PTGES2: variants seen among roughly 807,000 people sequenced by gnomAD.
The protein encoded by PTGES2 is GATE-binding factor 1.
Under a neutral mutation model 44.5 loss-of-function variants are expected in PTGES2, and 35 were observed. The ratio of observed to expected loss-of-function variants is 0.79; its 90% CI spans 0.60 to 1.04. The LOEUF is 1.04. Ranked by LOEUF, PTGES2 falls within the 50% of genes least tolerant of loss-of-function variation. PTGES2 has a pLI of 0.00. For missense variants in PTGES2, 517 were observed against 521.4 expected (o/e 0.99, Z 0.08); for synonymous variants, 221 against 227.5 (o/e 0.97, Z 0.26).
At chr9:128,122,563 G>T in intron 5 of PTGES2, 84 bp from the exon 6 acceptor site, 2 of 1,231,230 alleles carry the variant, frequency 1.6e-6, no homozygotes, top group Non-Finnish European at 1.2e-6. Flanking sequence ...GGAGAGGGGG[G>T]AGGTGTGGAA....
chr9:128,128,146 C>G (rs1834720550), upstream of PTGES2: 5 of 333,702 alleles, frequency 1.5e-5, no homozygotes, highest in East Asian at 2.5e-4. Flanking sequence ...ACTGAAAGCC[C>G]CGGAAACGAC....
rs1280631597 is a variant in PTGES2 at position 128,125,225 on chromosome 9, G to A, written c.477+19C>T. 3.9e-6 allele frequency: 6 copies of A among 1,556,562 alleles called. No homozygotes were observed. The highest frequency in any genetic ancestry group is 5.2e-6 in the Non-Finnish European group (6 of 1,149,542). ...ACCCAGGAAAGGAGGAAGGATGCAG[G>A]GGGTTCCCTGGGGCTCACCGAGCTT... On this transcript the variant is annotated intron_variant, in intron 2 of 6. Coordinates refer to ENST00000338961, the MANE Select transcript of PTGES2 (RefSeq NM_025072.7).
At chr9:128,125,129 T>A in intron 2 of PTGES2, 115 bp downstream of exon 2, 2 of 1,000,312 alleles carry the variant, frequency 2.0e-6, no homozygotes, top group Non-Finnish European at 2.9e-6. Context: ...CCATAGTCCT[T>A]ACAGGCACAA....
At chr9:128,125,011 T>C (rs1834564018) in intron 2 of PTGES2, 3 of 757,258 alleles carry the variant, frequency 4.0e-6, no homozygotes, top group Non-Finnish European at 4.0e-6. Flanking sequence ...GAATCTATGT[T>C]GTTAAGCTGT....
In PTGES2 at chr9:128,121,208, C is replaced by T. The variant is rs1295806700; in HGVS notation, c.1071G>A (p.Thr357=). The change falls in exon 7 of 7, where the codon ACG becomes ACA. Residue 357 remains threonine (T), a synonymous_variant. Transcript: ENST00000338961. ...CCCGCAGGTACCAGGGCTGGATGTG[C>T]GTGTGCTGCATCAGGTCATCGAACG... is the stretch of plus-strand genomic sequence containing the variant. ...LDAFDDLMQH[T]HIQPWYLRVE... is the part of the protein sequence containing the mutation. 5 of 1,596,388 alleles carry T rather than the reference C, an allele frequency of 3.1e-6. No individual in the cohort carries two copies. Among genetic ancestry groups the T allele is most frequent in the South Asian group, 2.3e-5 (2 of 88,174 alleles).
chr9:128,123,187 A>G lies in PTGES2; in HGVS notation c.687-53T>C. On this transcript the variant is annotated intron_variant, in intron 4 of 6. Transcript: ENST00000338961. The surrounding 1 kb of genome is among the most constrained non-coding windows in gnomAD (Gnocchi z 4.4). The stretch of plus-strand genomic sequence containing the variant: ...CCAGGACCCGGGCTGTGTTGGGAGC[A>G]GGCTGCATTCTCTAGAACATACCCA... The G allele has an allele frequency of 6.4e-7, 1 of 1,562,286 alleles. No homozygotes were observed. The highest frequency in any genetic ancestry group is 1.4e-5 in the African/African-American group (1 of 73,952).
At position 128,127,669 on chromosome 9, in the gene PTGES2, C is replaced by T; in HGVS notation, c.49G>A (p.Ala17Thr). ...VVRALWPGGC[A>T]LAWRLGGRPQ... is the part of the protein sequence containing the mutation. The stretch of plus-strand genomic sequence containing the variant: ...CGGCCTCCCAGCCTCCAGGCCAAGG[C>T]GCACCCACCAGGCCACAGCGCCCGC... Residue 17 changes from alanine (A) to threonine (T), a missense_variant, in exon 1 of 7, where the codon GCC becomes ACC. By Grantham distance (58) the Ala-to-Thr change is moderately conservative. Coordinates refer to ENST00000338961, the MANE Select transcript of PTGES2 (RefSeq NM_025072.7). 1 of 1,299,928 alleles carries T rather than the reference C, an allele frequency of 7.7e-7. No homozygotes were observed. 80.5% of individuals were successfully genotyped at this position (1,299,928 alleles called of 1,614,324 possible).
Position 128,123,727 on chromosome 9 carries a change from C to T in PTGES2, c.661G>A (p.Val221Met). ...LMLNEKEAQQVYGGKEARTEE... is the reference protein window; with the variant it reads ...LMLNEKEAQQMYGGKEARTEE... ...GTCCTGGCCTCCTTCCCACCATACA[C>T]TTGCTGGGCCTCCTTCTCGTTGAGC... Residue 221 changes from valine (V) to methionine (M), a missense_variant, in exon 4 of 7, where the codon GTG becomes ATG. Coordinates refer to ENST00000338961, the MANE Select transcript of PTGES2 (RefSeq NM_025072.7). This position sits in a 1 kb window ranked among gnomAD's most constrained non-coding sequence, Gnocchi z 4.4. 1 of 1,613,992 alleles carries T rather than the reference C, an allele frequency of 6.2e-7. No individual in the cohort carries two copies. The highest frequency in any genetic ancestry group is 8.5e-7 in the Non-Finnish European group (1 of 1,179,926).
chr9:128,126,350 A>G (rs6478817), intron 1 of PTGES2, among the ~76,000 whole-genome samples: 144,087 of 152,184 alleles, frequency 0.95, 68,724 homozygotes, highest in Non-Finnish European at 1. Context: ...GCCACCACTT[A>G]GGGGGTCACC....
chr9:128,122,386 GC>G lies in PTGES2; in HGVS notation c.980del (p.Gly327AlafsTer17), dbSNP rs1305730346. Reference protein sequence around the residue: ...AVGKDRPFMGGQKPNLADLAV... With the variant: ...AVGKDRPFMGXQKPNLADLAV... ...CCAAATCAGCGAGATTCGGCTTCTG[GC>G]CCCCCATGAAGGGCCGGTCCTTGCC... On this transcript the variant is annotated frameshift_variant, in exon 6 of 7. Transcript: ENST00000338961. LOFTEE classifies it high-confidence loss of function. The G allele has an allele frequency of 1.1e-5, 18 of 1,613,910 alleles. No homozygotes were observed. The highest frequency in any genetic ancestry group is 1.4e-5 in the Non-Finnish European group (17 of 1,179,924).
At chr9:128,125,665 C>T (rs1440473977) in intron 1 of PTGES2, among the ~76,000 whole-genome samples, 2 of 152,152 alleles carry the variant, frequency 1.3e-5, no homozygotes, top group African/African-American at 4.8e-5. Context: ...CCCTTTGCTG[C>T]GAGGTTGTGT....
At position 128,127,519 on chromosome 9, in the gene PTGES2, C is replaced by G; in HGVS notation, c.199G>C (p.Gly67Arg). ...GTGTGGTACAGCCCCAGGGCTCCCCCCAGGGCCAGCGCCGCAGCTCCCAGC... is the reference window on the plus strand; with the variant it reads ...GTGTGGTACAGCCCCAGGGCTCCCCGCAGGGCCAGCGCCGCAGCTCCCAGC... ...RLLGAAALAL[G>R]GALGLYHTAR... The change falls in exon 1 of 7, where the codon GGG becomes CGG. Residue 67 changes from glycine to arginine, a missense_variant. Transcript: ENST00000338961. 7.6e-7 allele frequency: 1 copy of G among 1,322,354 alleles called. No individual in the cohort carries two copies. The highest frequency in any genetic ancestry group is 1.5e-5 in the African/African-American group (1 of 65,836). The allele number at this position is 1,322,354 out of a possible 1,614,324, so 81.9% of individuals were successfully genotyped here.
upstream of PTGES2, chr9:128,128,205 G>T: frequency 2.5e-6 from 1 of 396,322 alleles, no homozygotes; most frequent in Non-Finnish European, 5.1e-6. Context: ...CCGCCTCATT[G>T]TCCGCTTCCT....
At position 128,123,010 on chromosome 9, in the gene PTGES2, C is replaced by T. The variant is rs751482704; in HGVS notation, c.811G>A (p.Gly271Arg). 1.5e-5 allele frequency: 24 copies of T among 1,613,914 alleles called. No homozygotes were observed. Among genetic ancestry groups the T allele is most frequent in the Middle Eastern group, 1.6e-4 (1 of 6,084 alleles). Residue 271 changes from glycine (G) to arginine (R), a missense_variant, in exon 5 of 7, where the codon GGA becomes AGA. Physicochemically the swap from Gly to Arg is moderately radical, Grantham distance 125. Transcript: ENST00000338961. This position sits in a 1 kb window ranked among gnomAD's most constrained non-coding sequence, Gnocchi z 4.4. ...FDYIVREGKF[G>R]AVEGAVAKYM... ...TTGGCCACGGCACCCTCCACGGCTCCGAACTTGCCCTCGCGGACAATGTAG... is the reference window on the plus strand; with the variant it reads ...TTGGCCACGGCACCCTCCACGGCTCTGAACTTGCCCTCGCGGACAATGTAG...
At chr9:128,127,812 TGGCCG>T, upstream of PTGES2, 1 of 1,154,322 alleles carries the variant, frequency 8.7e-7, no homozygotes, top group Non-Finnish European at 1.1e-6. Context: ...CCCCGCGGGT[TGGCCG>T]GGGTGAGGGC....
chr9:128,122,264 G>A, intron 6 of PTGES2, 98 bp downstream of exon 6: 1 of 934,812 alleles, frequency 1.1e-6, no homozygotes, highest in Non-Finnish European at 1.7e-6. Flanking sequence ...GGTTCCTCTG[G>A]CAAGATGCAA....
In PTGES2 at chr9:128,123,659, C is replaced by T; in HGVS notation, c.686+43G>A. ...GCTTGGTCCTACTCTACAGAAGACCCCTGCGGTCACCACCTTCCCCCGCCA... is the reference window on the plus strand; with the variant it reads ...GCTTGGTCCTACTCTACAGAAGACCTCTGCGGTCACCACCTTCCCCCGCCA... On this transcript the variant is annotated intron_variant, in intron 4 of 6. Coordinates refer to ENST00000338961, the MANE Select transcript of PTGES2 (RefSeq NM_025072.7). The surrounding 1 kb of genome is among the most constrained non-coding windows in gnomAD (Gnocchi z 4.4). The T allele has an allele frequency of 6.3e-7, 1 of 1,592,176 alleles. No individual in the cohort carries two copies. Among genetic ancestry groups the T allele is most frequent in the Non-Finnish European group, 8.6e-7 (1 of 1,166,234 alleles).
intron 1 of PTGES2, 53 bp downstream of exon 1, chr9:128,127,386 T>C: frequency 7.6e-7 from 1 of 1,311,534 alleles, no homozygotes. Flanking sequence ...TTCCCAGGAG[T>C]CCCGAGTTCG....
chr9:128,127,367 C>T (rs1564213541), intron 1 of PTGES2, 72 bp downstream of exon 1: 1 of 1,266,006 alleles, frequency 7.9e-7, no homozygotes. Flanking sequence ...CAACTCCTGA[C>T]CCTGCGGGTT....
Sources: gnomAD v4.1 joint callset for allele counts (sites outside exome capture counted in the v4.1 genomes callset) on GRCh38, gnomAD v4.1.1 for gene constraint, Gnocchi (gnomAD v3.1) non-coding constraint, MANE v1.5 for transcripts, NCBI Gene and HGNC (gene_info 2026-07-23, HGNC 2026-07-21) for gene names.